The following TMEM140 variants were observed in gnomAD, a reference collection of about 807,000 sequenced individuals.
TMEM140 encodes transmembrane protein 140.
For missense variants in TMEM140, 236 were observed against 228.5 expected (o/e 1.03, Z -0.21); for synonymous variants, 107 against 106.8 (o/e 1.00, Z -0.01).
chr7:135,150,625 G>A (rs1829646091), intron 1 of TMEM140, among the ~76,000 whole-genome samples: 2 of 152,308 alleles, frequency 1.3e-5, no homozygotes, highest in South Asian at 4.1e-4. Flanking sequence ...ACAGCCAAAG[G>A]CAGTCACCAG....
At position 135,148,279 on chromosome 7, in the gene TMEM140, C is replaced by G; in HGVS notation, c.-25+9C>G. ...CTCTGCACCTCCTTTCTGTAAGTAC[C>G]GATCCTGCAAGCATCACAGCTTACC... On this transcript the variant is annotated intron_variant, in intron 1 of 1. Transcript: ENST00000275767. 1 of 361,310 alleles carries G rather than the reference C, an allele frequency of 2.8e-6. No homozygotes were observed. The highest frequency in any genetic ancestry group is 5.4e-6 in the Non-Finnish European group (1 of 184,362). 22.4% of individuals were successfully genotyped at this position (361,310 alleles called of 1,614,324 possible).
Position 135,161,694 on chromosome 7 carries a change from G to A in TMEM140, c.-24-2724G>A, listed in dbSNP as rs537791416. On this transcript the variant is annotated intron_variant, in intron 1 of 1. Transcript: ENST00000275767. This position sits in a 1 kb window ranked among gnomAD's most constrained non-coding sequence, Gnocchi z 4.1. Reference sequence around the variant, plus strand: ...TTTTCAATTCCCAATAATTCCTTCCGTAACAAGCATCATTGCTCCAAGAAT... The same window carrying A: ...TTTTCAATTCCCAATAATTCCTTCCATAACAAGCATCATTGCTCCAAGAAT... Among the ~76,000 whole-genome samples the A allele has an allele frequency of 1.3e-5, 2 of 152,122 alleles. No individual in the cohort carries two copies. The highest frequency in any genetic ancestry group is 4.8e-5 in the African/African-American group (2 of 41,418).
chr7:135,153,381 G>C (rs1053001842), intron 1 of TMEM140, among the ~76,000 whole-genome samples: 6 of 150,354 alleles, frequency 4.0e-5, no homozygotes, highest in African/African-American at 1.5e-4. Context: ...TTGAACCTGG[G>C]AGGCAGAGGT....
At chr7:135,159,375 C>T (rs1030940528) in intron 1 of TMEM140, among the ~76,000 whole-genome samples, 2 of 152,190 alleles carry the variant, frequency 1.3e-5, no homozygotes, top group Non-Finnish European at 2.9e-5. Context: ...CTCTTTCAGC[C>T]GCCATCCCAT....
chr7:135,156,603 T>C (rs1387908552), intron 1 of TMEM140, among the ~76,000 whole-genome samples: 1 of 152,182 alleles, frequency 6.6e-6, no homozygotes, highest in Non-Finnish European at 1.5e-5. Flanking sequence ...TTCTCATTTA[T>C]ATCCTGGATT....
In TMEM140 at chr7:135,148,205, C is replaced by T. The variant is rs889577539; in HGVS notation, c.-90C>T. ...AAGCCAGCGAGAAGGAAGATTCAAA[C>T]AACCAACCCTGATTTCCTGCTTCTC... is the stretch of plus-strand genomic sequence containing the variant. On this transcript the variant is annotated 5_prime_UTR_variant, in exon 1 of 2. Coordinates refer to ENST00000275767, the MANE Select transcript of TMEM140 (RefSeq NM_018295.5). The T allele has an allele frequency of 2.6e-5, 11 of 427,852 alleles. No homozygotes were observed. The highest frequency in any genetic ancestry group is 9.1e-5 in the Admixed American group (3 of 32,886). 26.5% of individuals were successfully genotyped at this position (427,852 alleles called of 1,614,324 possible). A position where few individuals can be genotyped will look rare whatever the true frequency, so the allele number is the denominator to read the frequency against.
rs547883331 is a variant in TMEM140, at chr7:135,156,872, A to C, written c.-24-7546A>C. On this transcript the variant is annotated intron_variant, in intron 1 of 1. Coordinates refer to ENST00000275767, the MANE Select transcript of TMEM140 (RefSeq NM_018295.5). ...GGACGCCAGGGGAGGTAACTGAATC[A>C]TGGGGGCTGGTCTTTCCCATGCTAT... is the stretch of plus-strand genomic sequence containing the variant. Among the ~76,000 whole-genome samples the C allele has an allele frequency of 2.6e-5, 4 of 152,260 alleles. No individual in the cohort carries two copies. The South Asian group carries it at 8.3e-4, about 32-fold the overall frequency.
intron 1 of TMEM140, among the ~76,000 whole-genome samples, chr7:135,160,495 A>G (rs904639823): frequency 6.6e-6 from 1 of 152,236 alleles, no homozygotes; most frequent in Non-Finnish European, 1.5e-5. Flanking sequence ...ATATGCTGTC[A>G]CTGCAAAATG....
At chr7:135,152,256 C>T (rs1296977901) in intron 1 of TMEM140, among the ~76,000 whole-genome samples, 1 of 152,232 alleles carries the variant, frequency 6.6e-6, no homozygotes, top group Non-Finnish European at 1.5e-5. Context: ...CTTCAAGGTC[C>T]ATGCTCAGAA....
rs548023862 is a variant in TMEM140 at position 135,149,997 on chromosome 7, G to C, written c.-25+1727G>C. 2.6e-5 allele frequency among the ~76,000 whole-genome samples: 4 copies of C among 152,210 alleles called. No individual in the cohort carries two copies. The South Asian group carries it at 8.3e-4, about 32-fold the overall frequency. ...TCTTTATTTTAGAATAGTTAAACCT[G>C]TGCAATTCTTTATTTGTAGTTTCCA... On this transcript the variant is annotated intron_variant, in intron 1 of 1. Transcript: ENST00000275767.
chr7:135,157,367 T>C (rs151096501), intron 1 of TMEM140, among the ~76,000 whole-genome samples: 7 of 152,350 alleles, frequency 4.6e-5, no homozygotes, highest in Non-Finnish European at 7.3e-5. Context: ...CTCAGTGGGA[T>C]AGAGTATGGT....
chr7:135,156,353 T>C (rs1295257016), intron 1 of TMEM140, among the ~76,000 whole-genome samples: 2 of 152,200 alleles, frequency 1.3e-5, no homozygotes, highest in African/African-American at 4.8e-5. Context: ...ATAAGTTCAG[T>C]TGCTTCTTGC....
intron 1 of TMEM140, among the ~76,000 whole-genome samples, chr7:135,159,169 C>A (rs527801403): frequency 1.3e-5 from 2 of 152,356 alleles, no homozygotes; most frequent in Admixed American, 6.5e-5. Flanking sequence ...TTTCCCATAT[C>A]TTTTCTGGTT....
chr7:135,161,781 T>C lies in TMEM140; in HGVS notation c.-24-2637T>C, dbSNP rs909793363. The stretch of plus-strand genomic sequence containing the variant: ...TGGCCCTCTGGGACCTCCAGAGCCT[T>C]TGACAGTGCCACCCAAGGCAGCAGC... On this transcript the variant is annotated intron_variant, in intron 1 of 1. Coordinates refer to ENST00000275767, the MANE Select transcript of TMEM140 (RefSeq NM_018295.5). The surrounding 1 kb of genome is among the most constrained non-coding windows in gnomAD (Gnocchi z 4.1). 2.6e-5 allele frequency among the ~76,000 whole-genome samples: 4 copies of C among 152,192 alleles called. No homozygotes were observed. The highest frequency in any genetic ancestry group is 4.4e-5 in the Non-Finnish European group (3 of 68,034).
rs938667737 is a variant in TMEM140 at position 135,148,111 on chromosome 7, G to A, written c.-184G>A. On this transcript the variant is annotated 5_prime_UTR_variant, in exon 1 of 2. Coordinates refer to ENST00000275767, the MANE Select transcript of TMEM140 (RefSeq NM_018295.5). ...TAGGCACGACTGCGAAGGCAAGGGG[G>A]CACCAGCTCAGGACTGCATCTGCCT... 4.4e-6 allele frequency: 2 copies of A among 455,874 alleles called. No homozygotes were observed. The highest frequency in any genetic ancestry group is 4.7e-5 in the Admixed American group (2 of 42,478). The allele number at this position is 455,874 out of a possible 1,614,324, so 28.2% of individuals were successfully genotyped here.
intron 1 of TMEM140, among the ~76,000 whole-genome samples, chr7:135,162,789 T>C (rs1000003403): frequency 5.9e-5 from 9 of 152,340 alleles, no homozygotes; most frequent in Non-Finnish European, 5.9e-5. Context: ...TATCCCATAC[T>C]GGAAAATACA....
Position 135,161,848 on chromosome 7 carries a change from C to CG in TMEM140, c.-24-2570_-24-2569insG, listed in dbSNP as rs755327593. Among the ~76,000 whole-genome samples, 30 of 152,344 alleles carry CG rather than the reference C, an allele frequency of 2.0e-4. No individual in the cohort carries two copies. The highest frequency in any genetic ancestry group is 3.2e-4 in the Non-Finnish European group (22 of 68,032). On this transcript the variant is annotated intron_variant, in intron 1 of 1. Transcript: ENST00000275767. The surrounding 1 kb of genome is among the most constrained non-coding windows in gnomAD (Gnocchi z 4.1). Reference sequence around the variant, plus strand: ...ACAGCCCCTCACTCCTCCACTCTGACTGTCCCCACTGGGCTTCTCTGGAGC... The same window carrying CG: ...ACAGCCCCTCACTCCTCCACTCTGACGTGTCCCCACTGGGCTTCTCTGGAGC...
chr7:135,163,682 A>G (rs1052346578), intron 1 of TMEM140, among the ~76,000 whole-genome samples: 6 of 152,222 alleles, frequency 3.9e-5, no homozygotes, highest in Admixed American at 2.0e-4. Context: ...TAAGTTTTCT[A>G]TAATTCATAC....
rs1272951465 is a variant in TMEM140, at chr7:135,148,230, C to T, written c.-65C>T. The T allele has an allele frequency of 2.4e-6, 1 of 409,164 alleles. No homozygotes were observed. The highest frequency in any genetic ancestry group is 7.1e-5 in the East Asian group (1 of 14,092). The allele number at this position is 409,164 out of a possible 1,614,324, so 25.3% of individuals were successfully genotyped here. On this transcript the variant is annotated 5_prime_UTR_variant, in exon 1 of 2. Coordinates refer to ENST00000275767, the MANE Select transcript of TMEM140 (RefSeq NM_018295.5). ...CAACCAACCCTGATTTCCTGCTTCT[C>T]CTTTTCATGAGTGTTCCTGTGGTCT...
Sources: gnomAD v4.1 joint callset for allele counts (sites outside exome capture counted in the v4.1 genomes callset) on GRCh38, gnomAD v4.1.1 for gene constraint, Gnocchi (gnomAD v3.1) non-coding constraint, MANE v1.5 for transcripts, NCBI Gene and HGNC (gene_info 2026-07-23, HGNC 2026-07-21) for gene names.